Variants in TKT observed in about 807,000 individuals in gnomAD.
TKT encodes the protein epididymis luminal protein 107.
In TKT, 47 loss-of-function variants were observed where a neutral mutation model predicts 63.9. The ratio of observed to expected loss-of-function variants is 0.74; its 90% CI spans 0.58 to 0.94. The LOEUF (loss-of-function observed/expected upper bound fraction) is 0.94. Ranked by LOEUF, TKT falls within the 40% of genes least tolerant of loss-of-function variation. The pLI, the probability that TKT is intolerant of heterozygous loss-of-function variation, is 0.00. For synonymous variants in TKT, 338 were observed against 334.1 expected (o/e 1.01, Z -0.13); for missense variants, 721 against 846.2 (o/e 0.85, Z 1.84).
chr3:53,228,984 GAA>G (rs1553676238), intron 10 of TKT, 21 bp downstream of exon 10: 1 of 1,613,634 alleles, frequency 6.2e-7, no homozygotes, highest in Non-Finnish European at 8.5e-7. Context: ...GCCAGCAGGA[GAA>G]AGAACAGCCA....
intron 1 of TKT, among the ~76,000 whole-genome samples, chr3:53,249,992 A>G (rs1705679960): frequency 6.6e-6 from 1 of 152,228 alleles, no homozygotes; most frequent in Non-Finnish European, 1.5e-5. Context: ...GACATCAGTT[A>G]GAGTCCATAG....
At position 53,225,132 on chromosome 3, in the gene TKT, C is replaced by CT. The variant is rs1219300478; in HGVS notation, c.*623dup. The CT allele has an allele frequency of 6.6e-6, 1 of 152,236 alleles. No homozygotes were observed. Among genetic ancestry groups the CT allele is most frequent in the African/African-American group, 2.4e-5 (1 of 41,454 alleles). 9.4% of individuals were successfully genotyped at this position (152,236 alleles called of 1,614,324 possible). Reference sequence around the variant, plus strand: ...ACAAGTTGAGGGGGACAGTTCCACACTTGGGATTGAGGACCTCTCATGCCA... The same window carrying CT: ...ACAAGTTGAGGGGGACAGTTCCACACTTTGGGATTGAGGACCTCTCATGCCA... On this transcript the variant is annotated 3_prime_UTR_variant, in exon 14 of 14. Coordinates refer to ENST00000462138, the MANE Select transcript of TKT (RefSeq NM_001064.4).
chr3:53,242,328 T>A, intron 1 of TKT, 86 bp from the exon 2 acceptor site: 1 of 1,332,086 alleles, frequency 7.5e-7, no homozygotes, highest in South Asian at 1.2e-5. Flanking sequence ...GACCTGGGGG[T>A]GCATGTCCTG....
At chr3:53,236,638 G>A (rs1457910206) in intron 4 of TKT, among the ~76,000 whole-genome samples, 1 of 152,204 alleles carries the variant, frequency 6.6e-6, no homozygotes, top group Non-Finnish European at 1.5e-5. Context: ...AAGCCAACTC[G>A]ACTTCCCAGA....
chr3:53,244,240 C>T (rs1036733867), intron 1 of TKT, among the ~76,000 whole-genome samples: 41 of 152,196 alleles, frequency 2.7e-4, no homozygotes, highest in Admixed American at 1.6e-3. Flanking sequence ...AAAAGAAGAA[C>T]GCTTAGGAGC....
intron 1 of TKT, among the ~76,000 whole-genome samples, chr3:53,247,821 CAAG>C (rs1553681170): frequency 6.6e-6 from 1 of 152,028 alleles, no homozygotes; most frequent in African/African-American, 2.4e-5. Flanking sequence ...TCACCTCTTC[CAAG>C]AAGCCCTCCC....
chr3:53,231,565 C>A lies in TKT; in HGVS notation c.749-15G>T. On this transcript the variant is annotated splice_polypyrimidine_tract_variant and intron_variant, in intron 6 of 13. Coordinates refer to ENST00000462138, the MANE Select transcript of TKT (RefSeq NM_001064.4). ...ATCTTCTACCCCTGCAGACCCAACA[C>A]GGGAGGACAGAGGAATGGGTAAGAC... is the stretch of plus-strand genomic sequence containing the variant. The A allele has an allele frequency of 6.2e-7, 1 of 1,609,674 alleles. No individual in the cohort carries two copies. The highest frequency in any genetic ancestry group is 8.5e-7 in the Non-Finnish European group (1 of 1,177,492).
At chr3:53,252,119 A>G (rs1261293597) in intron 1 of TKT, among the ~76,000 whole-genome samples, 2 of 152,266 alleles carry the variant, frequency 1.3e-5, no homozygotes, top group Non-Finnish European at 2.9e-5. Context: ...CAGCCTGGGC[A>G]ACAAGAGTGA....
chr3:53,255,291 G>A (rs1423726417), intron 1 of TKT, among the ~76,000 whole-genome samples: 1 of 152,174 alleles, frequency 6.6e-6, no homozygotes, highest in Non-Finnish European at 1.5e-5. Flanking sequence ...CCTGCAAGAG[G>A]AATTAAAAAC....
At chr3:53,249,559 T>A (rs1370504588) in intron 1 of TKT, among the ~76,000 whole-genome samples, 1 of 152,114 alleles carries the variant, frequency 6.6e-6, no homozygotes, top group African/African-American at 2.4e-5. Context: ...CACTCCAGCC[T>A]GGGTGACAGA....
intron 1 of TKT, among the ~76,000 whole-genome samples, chr3:53,252,623 C>T (rs540931414): frequency 1.1e-4 from 17 of 152,218 alleles, no homozygotes; most frequent in Admixed American, 1.1e-3. Context: ...CAGTATGTTT[C>T]CGGAGGGGTA....
intron 1 of TKT, among the ~76,000 whole-genome samples, chr3:53,255,379 G>T (rs1400327418): frequency 6.6e-6 from 1 of 152,160 alleles, no homozygotes; most frequent in Admixed American, 6.5e-5. Context: ...CTAACTCGGA[G>T]CCTCCGTTTC....
intron 1 of TKT, among the ~76,000 whole-genome samples, chr3:53,252,604 C>G (rs769462799): frequency 6.6e-6 from 1 of 152,136 alleles, no homozygotes; most frequent in African/African-American, 2.4e-5. Flanking sequence ...GTGTAACTCT[C>G]GGACACCACA....
chr3:53,240,260 T>C lies in TKT; in HGVS notation c.428A>G (p.Asp143Gly). Reference sequence around the variant, plus strand: ...GGAGTAGGTGTGTTACCTGGCCTTGTCGAAGTATTTGCCGGTGTAGGCCAT... The same window carrying C: ...GGAGTAGGTGTGTTACCTGGCCTTGCCGAAGTATTTGCCGGTGTAGGCCAT... ...CGMAYTGKYF[D>G]KASYRVYCLL... The change falls in exon 4 of 14, where the codon GAC becomes GGC. Residue 143 changes from aspartate (D) to glycine (G), a missense_variant. Transcript: ENST00000462138. 1 of 1,612,622 alleles carries C rather than the reference T, an allele frequency of 6.2e-7. No individual in the cohort carries two copies. Among genetic ancestry groups the C allele is most frequent in the East Asian group, 2.2e-5 (1 of 44,848 alleles).
At chr3:53,229,212 C>G in intron 9 of TKT, 68 bp downstream of exon 9, 2 of 1,612,848 alleles carry the variant, frequency 1.2e-6, no homozygotes, top group South Asian at 2.2e-5. Flanking sequence ...CCTGGCCCAT[C>G]CCCCTCCCAT....
At chr3:53,226,155 A>G in intron 13 of TKT, 1 of 451,350 alleles carries the variant, frequency 2.2e-6, no homozygotes, top group South Asian at 4.6e-5. Flanking sequence ...CCTGAGCTCA[A>G]GAAATCCGCT....
chr3:53,235,250 G>A (rs1704970235), intron 4 of TKT, 76 bp from the exon 5 acceptor site: 3 of 1,344,436 alleles, frequency 2.2e-6, no homozygotes, highest in African/African-American at 1.7e-5. Flanking sequence ...CCCATCCAAG[G>A]AGCCTGCATT....
rs1553675102 is a variant in TKT at position 53,225,027 on chromosome 3, G to A, written c.*729C>T. ...CTGGAGCTTGGGACTGCAGAATTCT[G>A]TGTGACATCAGAAGCTCCTGGGCCA... On this transcript the variant is annotated 3_prime_UTR_variant, in exon 14 of 14. Coordinates refer to ENST00000462138, the MANE Select transcript of TKT (RefSeq NM_001064.4). The A allele has an allele frequency of 6.6e-6, 1 of 152,260 alleles. No individual in the cohort carries two copies. Among genetic ancestry groups the A allele is most frequent in the Non-Finnish European group, 1.5e-5 (1 of 68,064 alleles). 9.4% of individuals were successfully genotyped at this position (152,260 alleles called of 1,614,324 possible). A position where few individuals can be genotyped will look rare whatever the true frequency, so the allele number is the denominator to read the frequency against.
chr3:53,225,857 G>A lies in TKT; in HGVS notation c.1771C>T (p.Arg591Trp), dbSNP rs370465126. 14 of 1,613,974 alleles carry A rather than the reference G, an allele frequency of 8.7e-6. No individual in the cohort carries two copies. The highest frequency in any genetic ancestry group is 2.2e-5 in the East Asian group (1 of 44,880). The change falls in exon 14 of 14, where the codon CGG becomes TGG. Residue 591 changes from arginine to tryptophan, a missense_variant. Arg to Trp is a moderately radical substitution (Grantham distance 101, BLOSUM62 -3). Transcript: ENST00000462138. ...GCCGGCTTCCCACTTCTTGGTACCC[G>A]GTTAACTGCCAGGTGGGTGACAGTG... ...GITVTHLAVN[R>W]VPRSGKPAEL...
Sources: gnomAD v4.1 joint callset for allele counts (sites outside exome capture counted in the v4.1 genomes callset) on GRCh38, gnomAD v4.1.1 for gene constraint, MANE v1.5 for transcripts, NCBI Gene and HGNC (gene_info 2026-07-23, HGNC 2026-07-21) for gene names.